STK38L: variants seen among roughly 807,000 people sequenced by gnomAD.
STK38L encodes serine/threonine-protein kinase 38-like.
STK38L carries 28 observed loss-of-function variants against 59.7 expected under a neutral mutation model. That is an observed-to-expected ratio of 0.47 (90% CI 0.35 to 0.64). STK38L has a LOEUF of 0.64. Among genes scored for constraint, STK38L ranks in the 30% least tolerant of loss-of-function variants. The probability of loss-of-function intolerance (pLI) is 0.01; values close to 1 mark genes in which losing one functional copy is unlikely to be tolerated. For synonymous variants in STK38L, 162 were observed against 176.8 expected (o/e 0.92, Z 0.66); for missense variants, 314 against 555.8 (o/e 0.56, Z 4.37).
intron 7 of STK38L, 25 bp from the exon 8 acceptor site, chr12:27,314,990 C>A: frequency 6.5e-7 from 1 of 1,545,918 alleles, no homozygotes; most frequent in South Asian, 1.2e-5. Flanking sequence ...TTAATATGAT[C>A]TAATTTTACT....
Position 27,297,792 on chromosome 12 carries a change from C to T in STK38L, c.72C>T (p.Ala24=). Residue 24 remains alanine (A), a synonymous_variant, in exon 2 of 14, where the codon GCC becomes GCT. Transcript: ENST00000389032. ...SNHTRERVTV[A]KLTLENFYSN... is the part of the protein sequence containing the mutation. ...ATACCCGGGAAAGAGTGACTGTAGC[C>T]AAGCTCACATTGGAGAATTTTTATA... is the stretch of plus-strand genomic sequence containing the variant. The T allele has an allele frequency of 6.2e-7, 1 of 1,614,012 alleles. No homozygotes were observed. The highest frequency in any genetic ancestry group is 1.1e-5 in the South Asian group (1 of 91,076).
intron 2 of STK38L, chr12:27,300,740 G>A (rs1344778705): frequency 5.1e-6 from 2 of 390,174 alleles, no homozygotes; most frequent in African/African-American, 4.2e-5. Context: ...CAAGCACTGA[G>A]GAAACATGTG....
At chr12:27,312,822 C>A (rs1020496022) in intron 6 of STK38L, 150 bp downstream of exon 6, 5 of 892,112 alleles carry the variant, frequency 5.6e-6, no homozygotes, top group Middle Eastern at 3.5e-4. Flanking sequence ...TATTGATGCT[C>A]ATTTTTACCA....
intron 11 of STK38L, among the ~76,000 whole-genome samples, chr12:27,318,608 G>A (rs755698976): frequency 1.1e-4 from 17 of 152,176 alleles, no homozygotes; most frequent in Non-Finnish European, 2.2e-4. Flanking sequence ...GTATTTAATA[G>A]TGAAAATTGA....
At chr12:27,248,800 G>A (rs1273389789) in intron 1 of STK38L, among the ~76,000 whole-genome samples, 1 of 152,184 alleles carries the variant, frequency 6.6e-6, no homozygotes, top group African/African-American at 2.4e-5. Context: ...AGGATTTAAA[G>A]CACGTGTGTT....
At chr12:27,271,428 A>G (rs1943420480) in intron 1 of STK38L, among the ~76,000 whole-genome samples, 1 of 152,232 alleles carries the variant, frequency 6.6e-6, no homozygotes, top group Non-Finnish European at 1.5e-5. Context: ...TCAGGCTTTC[A>G]TTATGAATAG....
At chr12:27,261,473 C>T (rs1015654083) in intron 1 of STK38L, among the ~76,000 whole-genome samples, 1 of 152,176 alleles carries the variant, frequency 6.6e-6, no homozygotes, top group African/African-American at 2.4e-5. Flanking sequence ...AGACCTGAGA[C>T]CACTTTGTTG....
intron 3 of STK38L, 113 bp downstream of exon 3, chr12:27,302,301 GCTT>G: frequency 3.9e-6 from 3 of 777,738 alleles, no homozygotes; most frequent in Non-Finnish European, 6.0e-6. Context: ...TTGAATATGG[GCTT>G]CTTTGTTGCT....
At chr12:27,261,903 C>T (rs901514754) in intron 1 of STK38L, among the ~76,000 whole-genome samples, 1 of 152,182 alleles carries the variant, frequency 6.6e-6, no homozygotes, top group Non-Finnish European at 1.5e-5. Context: ...AAAAGCCTTA[C>T]ATATTATTAA....
intron 1 of STK38L, among the ~76,000 whole-genome samples, chr12:27,252,029 G>C (rs1942985398): frequency 6.6e-6 from 1 of 152,176 alleles, no homozygotes; most frequent in Admixed American, 6.5e-5. Context: ...ACCCAGGCTG[G>C]AGTGCAGTGG....
chr12:27,244,800 T>G (rs1942814194), intron 1 of STK38L, among the ~76,000 whole-genome samples: 1 of 152,142 alleles, frequency 6.6e-6, no homozygotes, highest in South Asian at 2.1e-4. Flanking sequence ...TGCGTCAGAT[T>G]GCCAAACATT....
Position 27,311,629 on chromosome 12 carries a change from TC to T in STK38L, c.394-919del, listed in dbSNP as rs571454709. ...TATAACATTTTCACATGATAGTATC[TC>T]TAGTAATTATGTGTCCGAGAAATCA... On this transcript the variant is annotated intron_variant, in intron 5 of 13. Transcript: ENST00000389032. 7.9e-4 allele frequency among the ~76,000 whole-genome samples: 121 copies of T among 152,298 alleles called. 1 individual carries two copies. Among genetic ancestry groups the T allele is most frequent in the African/African-American group, 2.8e-3 (118 of 41,574 alleles).
At chr12:27,283,062 A>C (rs540236314) in intron 1 of STK38L, among the ~76,000 whole-genome samples, 1 of 152,352 alleles carries the variant, frequency 6.6e-6, no homozygotes, top group South Asian at 2.1e-4. Context: ...TCTAGCACAA[A>C]ATAACTCAGT....
chr12:27,314,907 T>C (rs113870848), intron 7 of STK38L, 108 bp from the exon 8 acceptor site: 16 of 964,454 alleles, frequency 1.7e-5, no homozygotes, highest in Middle Eastern at 3.1e-4. Context: ...CGTGTATAAA[T>C]CCCAAGCTAA....
intron 1 of STK38L, among the ~76,000 whole-genome samples, chr12:27,272,866 G>C (rs1410039406): frequency 4.6e-5 from 7 of 152,134 alleles, no homozygotes; most frequent in African/African-American, 7.2e-5. Flanking sequence ...ACAGAAAAAT[G>C]CTCTTTAACC....
Position 27,315,016 on chromosome 12 carries a change from G to T in STK38L, c.674G>T (p.Gly225Val). 1.9e-6 allele frequency: 3 copies of T among 1,597,682 alleles called. No homozygotes were observed. Among genetic ancestry groups the T allele is most frequent in the Non-Finnish European group, 2.6e-6 (3 of 1,173,576 alleles). Residue 225 changes from glycine to valine, a missense_variant and splice_region_variant, in exon 8 of 14, where the codon GGT becomes GTT. By Grantham distance (109) the Gly-to-Val change is moderately radical. Coordinates refer to ENST00000389032, the MANE Select transcript of STK38L (RefSeq NM_015000.4). The part of the protein sequence containing the change: ...KPDNLLLDAK[G>V]HVKLSDFGLC... ...TAATTTTACTGGATTTTTTTTTAGGGTCATGTAAAATTATCTGATTTTGGT... is the reference window on the plus strand; with the variant it reads ...TAATTTTACTGGATTTTTTTTTAGGTTCATGTAAAATTATCTGATTTTGGT...
At chr12:27,255,137 T>C (rs948216559) in intron 1 of STK38L, among the ~76,000 whole-genome samples, 1 of 152,176 alleles carries the variant, frequency 6.6e-6, no homozygotes, top group Non-Finnish European at 1.5e-5. Context: ...TCTAAATCCA[T>C]AGATTAGCCC....
intron 1 of STK38L, among the ~76,000 whole-genome samples, chr12:27,253,646 G>C (rs1943024678): frequency 6.6e-6 from 1 of 152,180 alleles, no homozygotes; most frequent in Non-Finnish European, 1.5e-5. Flanking sequence ...GCACACCTAA[G>C]GGAGAGGGGC....
intron 1 of STK38L, among the ~76,000 whole-genome samples, chr12:27,282,109 A>G (rs1377855274): frequency 6.6e-6 from 1 of 152,182 alleles, no homozygotes; most frequent in Non-Finnish European, 1.5e-5. Context: ...TAAATAAACA[A>G]TGAAGTATTA....
Sources: allele counts gnomAD v4.1 joint callset (sites outside exome capture counted in the v4.1 genomes callset), GRCh38; gene constraint gnomAD v4.1.1; transcripts MANE v1.5; gene names NCBI Gene and HGNC (gene_info 2026-07-23, HGNC 2026-07-21).